EPHA6: variants seen among roughly 807,000 people sequenced by gnomAD.
EPHA6 encodes EPH receptor A6, also known as ephrin type-A receptor 6.
A neutral mutation model predicts 112.0 loss-of-function variants in EPHA6; 50 were observed. The observed-to-expected ratio is 0.45, with a 90% CI of 0.36 to 0.56. The LOEUF (loss-of-function observed/expected upper bound fraction) is 0.56. Among genes scored for constraint, EPHA6 ranks in the 20% least tolerant of loss-of-function variants. EPHA6 has a pLI of 0.00. For missense variants in EPHA6, 1,280 were observed against 1,417.4 expected (o/e 0.90, Z 1.56); for synonymous variants, 529 against 490.7 (o/e 1.08, Z -1.03).
rs550448772 is a variant in EPHA6, at chr3:97,319,091, G to T, written c.1606+74804G>T. 2.0e-5 allele frequency among the ~76,000 whole-genome samples: 3 copies of T among 151,368 alleles called. No individual in the cohort carries two copies. In the South Asian group the frequency reaches 6.2e-4, roughly 31 times the overall value. ...AGAGTTCTTAGAGAAATTCTCTTAC[G>T]ACATCACTTGTACTTTTATCATGAG... is the stretch of plus-strand genomic sequence containing the variant. On this transcript the variant is annotated intron_variant, in intron 5 of 17. Coordinates refer to ENST00000389672, the MANE Select transcript of EPHA6 (RefSeq NM_001080448.3).
At chr3:97,443,129 A>T (rs1010251069) in intron 6 of EPHA6, among the ~76,000 whole-genome samples, 1 of 152,036 alleles carries the variant, frequency 6.6e-6, no homozygotes, top group African/African-American at 2.4e-5. Flanking sequence ...TATCCTGGAA[A>T]CATCTCCACA....
intron 10 of EPHA6, among the ~76,000 whole-genome samples, chr3:97,499,273 C>A (rs2092059598): frequency 6.6e-6 from 1 of 152,118 alleles, no homozygotes; most frequent in Admixed American, 6.6e-5. Context: ...TTCCTTACAG[C>A]ACCCACATCT....
intron 14 of EPHA6, among the ~76,000 whole-genome samples, chr3:97,644,614 C>T (rs557624768): frequency 7.9e-5 from 12 of 151,912 alleles, no homozygotes; most frequent in South Asian, 2.1e-4. Flanking sequence ...ATATCACCAA[C>T]GATCCCACAG....
At chr3:97,375,102 AG>A (rs2085277304) in intron 5 of EPHA6, among the ~76,000 whole-genome samples, 1 of 152,144 alleles carries the variant, frequency 6.6e-6, no homozygotes, top group African/African-American at 2.4e-5. Flanking sequence ...CACAAATTAA[AG>A]GTTCTCTGTC....
Position 97,585,786 on chromosome 3 carries a change from T to C in EPHA6, c.2387-6826T>C, listed in dbSNP as rs1489761141. 3.5e-3 allele frequency among the ~76,000 whole-genome samples: 529 copies of C among 152,246 alleles called. 4 individuals are homozygous for C. Among genetic ancestry groups the C allele is most frequent in the African/African-American group, 0.012 (510 of 41,502 alleles). ...AAAGTTATGTGATTGCATCTTTGGA[T>C]TAGTTTAGTCAGACTCAGTCCCTGA... On this transcript the variant is annotated intron_variant, in intron 11 of 17. Coordinates refer to ENST00000389672, the MANE Select transcript of EPHA6 (RefSeq NM_001080448.3).
intron 3 of EPHA6, among the ~76,000 whole-genome samples, chr3:97,220,758 C>A (rs1320060863): frequency 1.3e-5 from 2 of 152,108 alleles, no homozygotes; most frequent in African/African-American, 4.8e-5. Flanking sequence ...TGGGTGGGGA[C>A]ACAAAGCCTA....
At chr3:97,087,568 G>C (rs1192420647) in intron 3 of EPHA6, among the ~76,000 whole-genome samples, 1 of 152,142 alleles carries the variant, frequency 6.6e-6, no homozygotes, top group Non-Finnish European at 1.5e-5. Flanking sequence ...AACTGATTTA[G>C]AAAATGGAAA....
intron 11 of EPHA6, among the ~76,000 whole-genome samples, chr3:97,543,468 A>C (rs939760092): frequency 6.6e-6 from 1 of 152,142 alleles, no homozygotes; most frequent in Admixed American, 6.5e-5. Flanking sequence ...CTGTTTTGGT[A>C]CCAGTACCAT....
chr3:96,863,076 C>A (rs891820596), intron 1 of EPHA6, among the ~76,000 whole-genome samples: 6 of 151,880 alleles, frequency 4.0e-5, no homozygotes, highest in Non-Finnish European at 5.9e-5. Flanking sequence ...TTATTGCCCC[C>A]AGGCTATTTT....
At chr3:97,661,545 T>C (rs2094169754) in intron 14 of EPHA6, among the ~76,000 whole-genome samples, 1 of 152,144 alleles carries the variant, frequency 6.6e-6, no homozygotes. Flanking sequence ...AGAAATTACA[T>C]TAACCTAGGC....
intron 14 of EPHA6, among the ~76,000 whole-genome samples, chr3:97,660,602 C>A (rs1282205704): frequency 6.6e-6 from 1 of 152,028 alleles, no homozygotes; most frequent in Non-Finnish European, 1.5e-5. Context: ...ATTAAAACAT[C>A]ATTCTGTGAG....
chr3:97,200,326 C>T (rs143872503), intron 3 of EPHA6, among the ~76,000 whole-genome samples: 1 of 152,212 alleles, frequency 6.6e-6, no homozygotes, highest in East Asian at 1.9e-4. Context: ...AAACTCAAGT[C>T]TGAACGCAAA....
intron 3 of EPHA6, among the ~76,000 whole-genome samples, chr3:97,192,904 C>T (rs1187860602): frequency 1.3e-5 from 2 of 152,046 alleles, no homozygotes; most frequent in African/African-American, 4.8e-5. Context: ...CTGACCTTTC[C>T]CCAATGTGGG....
At chr3:97,069,446 A>G (rs2046285757) in intron 3 of EPHA6, among the ~76,000 whole-genome samples, 1 of 152,108 alleles carries the variant, frequency 6.6e-6, no homozygotes, top group Non-Finnish European at 1.5e-5. Flanking sequence ...TCAAACTTGT[A>G]TTGTTCAAGG....
chr3:97,505,174 A>G (rs1390818204), intron 10 of EPHA6, among the ~76,000 whole-genome samples: 2 of 152,070 alleles, frequency 1.3e-5, no homozygotes, highest in African/African-American at 2.4e-5. Context: ...TTTGAAATTC[A>G]GGTTTCTCAT....
intron 3 of EPHA6, among the ~76,000 whole-genome samples, chr3:97,151,594 T>C (rs1055665977): frequency 2.6e-5 from 4 of 152,048 alleles, no homozygotes; most frequent in African/African-American, 9.7e-5. Context: ...AGTTTAACAC[T>C]ATCTGGGTCT....
chr3:97,152,953 G>A (rs2076204030), intron 3 of EPHA6, among the ~76,000 whole-genome samples: 1 of 151,928 alleles, frequency 6.6e-6, no homozygotes, highest in Non-Finnish European at 1.5e-5. Flanking sequence ...CTTTCCTGGT[G>A]GCTTTAGAGT....
intron 11 of EPHA6, among the ~76,000 whole-genome samples, chr3:97,542,865 G>A (rs191857532): frequency 1.3e-3 from 204 of 152,152 alleles, no homozygotes; most frequent in Middle Eastern, 3.4e-3. Context: ...GCATTTTTTC[G>A]TGTGTTTTTT....
At chr3:97,229,785 G>A (rs1448264880) in intron 4 of EPHA6, among the ~76,000 whole-genome samples, 1 of 151,992 alleles carries the variant, frequency 6.6e-6, no homozygotes, top group African/African-American at 2.4e-5. Flanking sequence ...ATTCATTGTT[G>A]CTATTCATTA....
Sources: gnomAD v4.1 joint callset for allele counts (sites outside exome capture counted in the v4.1 genomes callset) on GRCh38, gnomAD v4.1.1 for gene constraint, MANE v1.5 for transcripts, NCBI Gene and HGNC (gene_info 2026-07-23, HGNC 2026-07-21) for gene names.